Variants in TBC1D5 observed in about 807,000 individuals in gnomAD.
TBC1D5 encodes TBC1 domain family member 5, also known as TBC1 domain family, member 5.
TBC1D5 carries 75 observed loss-of-function variants against 100.3 expected under a neutral mutation model. That is an observed-to-expected ratio of 0.75 (90% CI 0.62 to 0.91). The LOEUF (loss-of-function observed/expected upper bound fraction) is 0.91, where lower values mean the gene tolerates loss of function less well. TBC1D5 is among the 40% of genes least tolerant of loss of function. The pLI is 0.00. For missense variants in TBC1D5, 910 were observed against 942.4 expected (o/e 0.97, Z 0.45); for synonymous variants, 323 against 325.6 (o/e 0.99, Z 0.09).
At chr3:17,220,175 T>C (rs563140493) in intron 17 of TBC1D5, among the ~76,000 whole-genome samples, 2 of 152,294 alleles carry the variant, frequency 1.3e-5, no homozygotes, top group African/African-American at 4.8e-5. Flanking sequence ...GGTAGAATTA[T>C]ATAAGTGGAA....
At chr3:17,292,924 A>C (rs1219164368) in intron 14 of TBC1D5, among the ~76,000 whole-genome samples, 1 of 152,176 alleles carries the variant, frequency 6.6e-6, no homozygotes, top group Non-Finnish European at 1.5e-5. Context: ...TCAAAAACCA[A>C]ACATTTATAA....
At chr3:17,398,173 A>C (rs1228234332) in intron 8 of TBC1D5, among the ~76,000 whole-genome samples, 3 of 152,148 alleles carry the variant, frequency 2.0e-5, no homozygotes, top group Non-Finnish European at 4.4e-5. Context: ...TTCAAGTTCT[A>C]AATTAGAATG....
At chr3:17,437,604 GAGAGAC>G (rs946763327) in intron 3 of TBC1D5, among the ~76,000 whole-genome samples, 3 of 125,748 alleles carry the variant, frequency 2.4e-5, no homozygotes, top group Non-Finnish European at 3.5e-5. Flanking sequence ...AAAGAGGGGA[GAGAGAC>G]AGAGACAGAG....
chr3:17,720,472 C>G (rs1236796151), intron 1 of TBC1D5, among the ~76,000 whole-genome samples: 2 of 152,098 alleles, frequency 1.3e-5, no homozygotes, highest in Non-Finnish European at 2.9e-5. Flanking sequence ...AATAAAAGAA[C>G]TAGAAAATAA....
At chr3:17,654,548 T>A (rs1273078761) in intron 1 of TBC1D5, among the ~76,000 whole-genome samples, 1 of 152,234 alleles carries the variant, frequency 6.6e-6, no homozygotes, top group Non-Finnish European at 1.5e-5. Flanking sequence ...GATGTGCTGC[T>A]GGATTCGGTT....
intron 10 of TBC1D5, among the ~76,000 whole-genome samples, chr3:17,376,018 A>G (rs2092693079): frequency 6.6e-6 from 1 of 152,188 alleles, no homozygotes; most frequent in African/African-American, 2.4e-5. Flanking sequence ...ATCCAATTAC[A>G]AAAGTTATTT....
intron 2 of TBC1D5, among the ~76,000 whole-genome samples, chr3:17,533,242 G>A (rs935748549): frequency 7.9e-5 from 12 of 152,108 alleles, no homozygotes; most frequent in African/African-American, 2.9e-4. Context: ...TTAAGATAGA[G>A]TTCTACTTCA....
chr3:17,267,279 A>T (rs1036819926), intron 15 of TBC1D5, among the ~76,000 whole-genome samples: 3 of 151,138 alleles, frequency 2.0e-5, no homozygotes, highest in East Asian at 1.9e-4. Flanking sequence ...AGGTCTACAA[A>T]TTTTCTTTGT....
At chr3:17,309,280 T>C (rs1458053515) in intron 13 of TBC1D5, among the ~76,000 whole-genome samples, 3 of 151,964 alleles carry the variant, frequency 2.0e-5, no homozygotes, top group Non-Finnish European at 4.4e-5. Flanking sequence ...CAAATATGTA[T>C]CATAGTTTAT....
chr3:17,535,056 G>C (rs1193817317), intron 2 of TBC1D5, among the ~76,000 whole-genome samples: 1 of 152,108 alleles, frequency 6.6e-6, no homozygotes, highest in Non-Finnish European at 1.5e-5. Context: ...AATTTTCCTT[G>C]ATTGTGTAAC....
chr3:17,342,828 A>G (rs905808743), intron 13 of TBC1D5, among the ~76,000 whole-genome samples: 2 of 152,198 alleles, frequency 1.3e-5, no homozygotes, highest in African/African-American at 4.8e-5. Flanking sequence ...ATGTCAACAA[A>G]TATTAACCAC....
At chr3:17,189,790 C>A (rs2069635069) in intron 18 of TBC1D5, among the ~76,000 whole-genome samples, 1 of 152,142 alleles carries the variant, frequency 6.6e-6, no homozygotes, top group Non-Finnish European at 1.5e-5. Context: ...ATGAATAATC[C>A]CATATTTCAG....
At chr3:17,488,517 TG>T (rs1459270299) in intron 3 of TBC1D5, among the ~76,000 whole-genome samples, 1 of 152,216 alleles carries the variant, frequency 6.6e-6, no homozygotes, top group Non-Finnish European at 1.5e-5. Flanking sequence ...CTGGGTCATA[TG>T]GTAAGAGTAT....
At chr3:17,182,763 T>G (rs1428306389) in intron 19 of TBC1D5, among the ~76,000 whole-genome samples, 2 of 152,216 alleles carry the variant, frequency 1.3e-5, no homozygotes, top group Non-Finnish European at 2.9e-5. Flanking sequence ...ATTAGTTCTT[T>G]TTGGTGTATT....
chr3:17,736,786 TG>T (rs2076994674), intron 1 of TBC1D5, among the ~76,000 whole-genome samples: 1 of 151,936 alleles, frequency 6.6e-6, no homozygotes, highest in Non-Finnish European at 1.5e-5. Flanking sequence ...CTGGGGCGGG[TG>T]GATCACCTGA....
rs530842426 is a variant in TBC1D5, at chr3:17,407,474, C to A, written c.168-948G>T. Reference sequence around the variant, plus strand: ...TTTATTATCAAAGCTGAAACCCTGACGGCAATATCTTAAGAGAGATTTCTG... The same window carrying A: ...TTTATTATCAAAGCTGAAACCCTGAAGGCAATATCTTAAGAGAGATTTCTG... On this transcript the variant is annotated intron_variant, in intron 4 of 21. Transcript: ENST00000253692. Among the ~76,000 whole-genome samples, 22 of 152,170 alleles carry A rather than the reference C, an allele frequency of 1.4e-4. No individual in the cohort carries two copies. In the East Asian group the frequency reaches 3.1e-3, roughly 21 times the overall value.
chr3:17,569,124 T>C (rs1449484468), intron 2 of TBC1D5, among the ~76,000 whole-genome samples: 1 of 151,806 alleles, frequency 6.6e-6, no homozygotes, highest in Non-Finnish European at 1.5e-5. Flanking sequence ...TAAATATTTA[T>C]TTTCATGTTA....
chr3:17,563,823 C>A lies in TBC1D5; in HGVS notation c.-35-55218G>T, dbSNP rs921098760. Among the ~76,000 whole-genome samples, 11 of 152,198 alleles carry A rather than the reference C, an allele frequency of 7.2e-5. No individual in the cohort carries two copies. The East Asian group carries it at 1.2e-3, about 16-fold the overall frequency. ...TTTGAGACGGAGTCTCCCTCTGTTG[C>A]CCAGGCTGGAGTGCAGTGGCTTGAT... On this transcript the variant is annotated intron_variant, in intron 2 of 21. Transcript: ENST00000253692.
At chr3:17,178,606 C>T (rs2733480) in intron 19 of TBC1D5, among the ~76,000 whole-genome samples, 74,166 of 151,922 alleles carry the variant, frequency 0.49, 19,375 homozygotes, top group African/African-American at 0.68. Flanking sequence ...TCTATAGTAG[C>T]TGTACCAATT....
Sources: gnomAD v4.1 joint callset for allele counts (sites outside exome capture counted in the v4.1 genomes callset) on GRCh38, gnomAD v4.1.1 for gene constraint, MANE v1.5 for transcripts, NCBI Gene and HGNC (gene_info 2026-07-23, HGNC 2026-07-21) for gene names.